Variants in TNKS observed in about 807,000 individuals in gnomAD.
TNKS encodes poly [ADP-ribose] polymerase tankyrase-1.
Under a neutral mutation model 135.8 loss-of-function variants are expected in TNKS, and 72 were observed. The observed-to-expected ratio is 0.53, with a 90% CI of 0.44 to 0.64. The LOEUF is 0.64. Among genes scored for constraint, TNKS ranks in the 30% least tolerant of loss-of-function variants. TNKS has a pLI of 0.00. For synonymous variants in TNKS, 849 were observed against 649.3 expected, an observed-to-expected ratio of 1.31 and a Z score of -4.68; for missense variants, 1,769 against 1,674.0, an observed-to-expected ratio of 1.06 and a Z score of -0.99.
intron 3 of TNKS, among the ~76,000 whole-genome samples, chr8:9,625,105 G>T (rs1800008265): frequency 6.6e-6 from 1 of 152,078 alleles, no homozygotes; most frequent in South Asian, 2.1e-4. Flanking sequence ...TTTTAAGTAG[G>T]TCTGAAACTA....
intron 26 of TNKS, among the ~76,000 whole-genome samples, chr8:9,772,973 T>C (rs1808020880): frequency 6.6e-6 from 1 of 151,010 alleles, no homozygotes; most frequent in South Asian, 2.1e-4. Flanking sequence ...GGTGAGGTTA[T>C]GTAGCTGTTT....
chr8:9,629,116 G>A (rs1016289097), intron 3 of TNKS, among the ~76,000 whole-genome samples: 2 of 152,188 alleles, frequency 1.3e-5, no homozygotes, highest in Non-Finnish European at 2.9e-5. Flanking sequence ...CTGTAGGCTG[G>A]TTTCAATGAC....
At chr8:9,750,765 C>T (rs977377254) in intron 18 of TNKS, among the ~76,000 whole-genome samples, 10 of 152,240 alleles carry the variant, frequency 6.6e-5, no homozygotes, top group African/African-American at 2.4e-4. Flanking sequence ...TTATTTCTCA[C>T]ACGTCTGGGA....
At chr8:9,607,931 C>T (rs993187059) in intron 2 of TNKS, among the ~76,000 whole-genome samples, 1 of 151,900 alleles carries the variant, frequency 6.6e-6, no homozygotes, top group Non-Finnish European at 1.5e-5. Flanking sequence ...TTGATGACAC[C>T]GCCTTGATTT....
At chr8:9,713,887 T>C (rs536514817) in intron 11 of TNKS, among the ~76,000 whole-genome samples, 1 of 152,324 alleles carries the variant, frequency 6.6e-6, no homozygotes, top group African/African-American at 2.4e-5. Context: ...TCATGGTTTC[T>C]GTATGATTTT....
chr8:9,559,794 A>G (rs1340449721), intron 1 of TNKS, among the ~76,000 whole-genome samples: 2 of 152,214 alleles, frequency 1.3e-5, no homozygotes, highest in African/African-American at 4.8e-5. Flanking sequence ...AAGAATAATC[A>G]TATTCTTTCC....
chr8:9,731,148 G>C (rs1348148970), intron 14 of TNKS, 113 bp downstream of exon 14: 2 of 1,267,102 alleles, frequency 1.6e-6, no homozygotes, highest in Non-Finnish European at 2.1e-6. Context: ...GTTATTTTTT[G>C]TTTAAAACAT....
intron 1 of TNKS, among the ~76,000 whole-genome samples, chr8:9,559,953 A>G (rs996607276): frequency 1.3e-5 from 2 of 152,122 alleles, no homozygotes; most frequent in African/African-American, 4.8e-5. Flanking sequence ...TTCTCAAAAT[A>G]CTATTTTTGA....
intron 3 of TNKS, 64 bp from the exon 4 acceptor site, chr8:9,679,881 TGCTGCC>T: frequency 8.1e-7 from 1 of 1,230,390 alleles, no homozygotes; most frequent in South Asian, 1.2e-5. Context: ...ATTCTCTATT[TGCTGCC>T]TACTGCATTT....
chr8:9,770,578 C>G (rs548261337), intron 26 of TNKS, among the ~76,000 whole-genome samples: 64 of 152,304 alleles, frequency 4.2e-4, no homozygotes, highest in African/African-American at 1.5e-3. Context: ...GGGCAGCATG[C>G]CAGGGCAGCT....
chr8:9,662,795 C>T (rs1038572835), intron 3 of TNKS, among the ~76,000 whole-genome samples: 7 of 152,074 alleles, frequency 4.6e-5, no homozygotes, highest in Non-Finnish European at 1.0e-4. Flanking sequence ...AATGAAAGAG[C>T]AGTATTTGAG....
intron 1 of TNKS, among the ~76,000 whole-genome samples, chr8:9,568,313 T>A: frequency 6.6e-6 from 1 of 152,156 alleles, no homozygotes; most frequent in East Asian, 1.9e-4. Flanking sequence ...GCTCGAGAAA[T>A]ATGAGCAAGA....
At chr8:9,760,665 C>T (rs975883440) in intron 20 of TNKS, among the ~76,000 whole-genome samples, 6 of 152,268 alleles carry the variant, frequency 3.9e-5, no homozygotes, top group Middle Eastern at 3.4e-3. Context: ...TGGCTACCCG[C>T]GTTCATCCTG....
In TNKS at chr8:9,613,569, A is replaced by T. The variant is rs577192172; in HGVS notation, c.899-2013A>T. 5.3e-5 allele frequency among the ~76,000 whole-genome samples: 8 copies of T among 152,366 alleles called. No homozygotes were observed. The East Asian group carries it at 1.5e-3, about 29-fold the overall frequency. Reference sequence around the variant, plus strand: ...TTTGTTATCAGCATCTGGTTTAGAAAGTTCAGCTGCTTCTTTCCTGTTGCT... The same window carrying T: ...TTTGTTATCAGCATCTGGTTTAGAATGTTCAGCTGCTTCTTTCCTGTTGCT... On this transcript the variant is annotated intron_variant, in intron 2 of 26. Coordinates refer to ENST00000310430, the MANE Select transcript of TNKS (RefSeq NM_003747.3).
intron 1 of TNKS, among the ~76,000 whole-genome samples, chr8:9,573,254 G>A (rs1797827495): frequency 6.6e-6 from 1 of 152,196 alleles, no homozygotes; most frequent in Admixed American, 6.5e-5. Flanking sequence ...GAATCAAGCA[G>A]CCTCCAGAGC....
At chr8:9,644,951 A>G (rs77146549) in intron 3 of TNKS, among the ~76,000 whole-genome samples, 1 of 152,158 alleles carries the variant, frequency 6.6e-6, no homozygotes, top group Non-Finnish European at 1.5e-5. Context: ...CTATAGGCCA[A>G]TGTAAGTCTT....
intron 1 of TNKS, among the ~76,000 whole-genome samples, chr8:9,572,120 C>T (rs1338250505): frequency 6.6e-6 from 1 of 152,166 alleles, no homozygotes; most frequent in Non-Finnish European, 1.5e-5. Flanking sequence ...ACACGTACTA[C>T]TGAATTCATT....
At chr8:9,609,985 G>A (rs1295409240) in intron 2 of TNKS, among the ~76,000 whole-genome samples, 1 of 152,066 alleles carries the variant, frequency 6.6e-6, no homozygotes, top group Non-Finnish European at 1.5e-5. Context: ...AGCCTCCCGA[G>A]TAGCTGGGAC....
chr8:9,643,438 G>T (rs11249933), intron 3 of TNKS, among the ~76,000 whole-genome samples: 137,619 of 142,578 alleles, frequency 0.97, 66,629 homozygotes, highest in East Asian at 1. Flanking sequence ...AATGGCTTCT[G>T]CGATAATAGC....
Sources: gnomAD v4.1 joint callset for allele counts (sites outside exome capture counted in the v4.1 genomes callset) on GRCh38, gnomAD v4.1.1 for gene constraint, MANE v1.5 for transcripts, NCBI Gene and HGNC (gene_info 2026-07-23, HGNC 2026-07-21) for gene names.